The following SEPTIN10 variants were observed in gnomAD, a reference collection of about 807,000 sequenced individuals.
SEPTIN10 encodes septin 10, also known as septin-10.
Under a neutral mutation model 54.8 loss-of-function variants are expected in SEPTIN10, and 66 were observed. The ratio of observed to expected loss-of-function variants is 1.21; its 90% confidence interval spans 0.99 to 1.48. The LOEUF (loss-of-function observed/expected upper bound fraction) is 1.48. Among genes scored for constraint, SEPTIN10 ranks in the 40% most tolerant of loss-of-function variants. The pLI is 0.00. For missense variants in SEPTIN10, 620 were observed against 545.6 expected (o/e 1.14, Z -1.36); for synonymous variants, 161 against 181.0 (o/e 0.89, Z 0.89).
At chr2:109,565,524 C>A (rs1280243723) in intron 7 of SEPTIN10, among the ~76,000 whole-genome samples, 1 of 152,182 alleles carries the variant, frequency 6.6e-6, no homozygotes, top group Non-Finnish European at 1.5e-5. Flanking sequence ...GGTCAGAGTG[C>A]CCCACTGGTG....
chr2:109,596,384 G>A (rs1031611455), intron 1 of SEPTIN10, among the ~76,000 whole-genome samples: 3 of 152,068 alleles, frequency 2.0e-5, no homozygotes, highest in East Asian at 3.9e-4. Flanking sequence ...TTGGGAGGCC[G>A]AGGTGGGTGG....
chr2:109,545,965 AG>A, intron 10 of SEPTIN10, 84 bp downstream of exon 10: 2 of 1,488,546 alleles, frequency 1.3e-6, no homozygotes, highest in Non-Finnish European at 1.8e-6. Flanking sequence ...ATAAGGAAGC[AG>A]AAGTAAGAAG....
intron 4 of SEPTIN10, among the ~76,000 whole-genome samples, chr2:109,584,651 T>TA (rs1182152740): frequency 1.3e-5 from 2 of 152,126 alleles, no homozygotes; most frequent in Admixed American, 1.3e-4. Flanking sequence ...AGACACAAGG[T>TA]AAAATATAAA....
chr2:109,565,658 C>G (rs1686811160), intron 7 of SEPTIN10, 105 bp downstream of exon 7: 1 of 1,002,490 alleles, frequency 1.0e-6, no homozygotes, highest in Non-Finnish European at 1.6e-6. Context: ...ATTCCTCTGA[C>G]AACCAATCAC....
intron 1 of SEPTIN10, among the ~76,000 whole-genome samples, chr2:109,602,177 C>G (rs77357588): frequency 6.6e-6 from 1 of 152,130 alleles, no homozygotes; most frequent in Non-Finnish European, 1.5e-5. Context: ...TAACAATTTT[C>G]TAAGATCCCT....
intron 2 of SEPTIN10, among the ~76,000 whole-genome samples, chr2:109,590,065 T>TAC (rs200796778): frequency 9.4e-5 from 14 of 148,304 alleles, no homozygotes; most frequent in African/African-American, 3.4e-4. Flanking sequence ...TGTATATATA[T>TAC]ACACACACAT....
intron 1 of SEPTIN10, among the ~76,000 whole-genome samples, chr2:109,601,553 T>C (rs1347861035): frequency 1.3e-5 from 2 of 152,212 alleles, no homozygotes; most frequent in Admixed American, 1.3e-4. Context: ...AATTCATGTT[T>C]TCCCACTTGC....
At chr2:109,570,841 T>C (rs1289830376) in intron 5 of SEPTIN10, among the ~76,000 whole-genome samples, 2 of 152,146 alleles carry the variant, frequency 1.3e-5, no homozygotes, top group Non-Finnish European at 2.9e-5. Flanking sequence ...TATTATAATG[T>C]GTAATCTAGA....
At chr2:109,581,562 C>T (rs1691157477) in intron 4 of SEPTIN10, among the ~76,000 whole-genome samples, 2 of 151,690 alleles carry the variant, frequency 1.3e-5, no homozygotes, top group African/African-American at 4.8e-5. Flanking sequence ...GCAGTGGCTC[C>T]TCTGGGGGAA....
intron 4 of SEPTIN10, 116 bp from the exon 5 acceptor site, chr2:109,574,883 A>G: frequency 3.4e-6 from 2 of 591,174 alleles, no homozygotes; most frequent in South Asian, 5.5e-5. Flanking sequence ...GTTAATATCT[A>G]TGCTGAACAG....
chr2:109,560,678 C>T (rs1447010718), intron 8 of SEPTIN10, among the ~76,000 whole-genome samples: 1 of 152,204 alleles, frequency 6.6e-6, no homozygotes, highest in Non-Finnish European at 1.5e-5. Context: ...AGGTCCCAAA[C>T]TGTGACCTCC....
intron 5 of SEPTIN10, among the ~76,000 whole-genome samples, chr2:109,568,923 T>C (rs1054049517): frequency 2.6e-5 from 4 of 152,212 alleles, no homozygotes; most frequent in Admixed American, 6.5e-5. Flanking sequence ...TGAAGTCCTA[T>C]CACTGACAGA....
At chr2:109,598,660 T>C (rs967609064) in intron 1 of SEPTIN10, among the ~76,000 whole-genome samples, 7 of 151,758 alleles carry the variant, frequency 4.6e-5, no homozygotes, top group Non-Finnish European at 1.5e-5. Context: ...CTGGCCAACA[T>C]GGTGAAACCC....
At chr2:109,545,793 T>C (rs1681059512) in intron 10 of SEPTIN10, 7 of 1,425,500 alleles carry the variant, frequency 4.9e-6, no homozygotes, top group African/African-American at 1.4e-5. Context: ...CTTTTCACAC[T>C]GTGATGTATT....
intron 7 of SEPTIN10, among the ~76,000 whole-genome samples, chr2:109,565,136 TTAC>T (rs1223252160): frequency 7.2e-5 from 11 of 152,176 alleles, no homozygotes; most frequent in African/African-American, 2.7e-4. Context: ...AGTATAATTA[TTAC>T]TTTTACATTT....
chr2:109,613,434 G>A, intron 1 of SEPTIN10: 1 of 309,942 alleles, frequency 3.2e-6, no homozygotes, highest in Non-Finnish European at 6.5e-6. Context: ...TGCAAAAGAT[G>A]ACCGCTATTC....
At chr2:109,610,214 A>C (rs1698954667) in intron 1 of SEPTIN10, among the ~76,000 whole-genome samples, 1 of 151,764 alleles carries the variant, frequency 6.6e-6, no homozygotes, top group Non-Finnish European at 1.5e-5. Flanking sequence ...TCAGCCTCCC[A>C]AGTAGTTGGG....
Position 109,613,832 on chromosome 2 carries a change from G to C in SEPTIN10, c.-5C>G, listed in dbSNP as rs921225895. ...CGCCACCTCGGAGGAGGCCATGGTC[G>C]CGGGCAGGGGCACGGTGAAGCGGCT... On this transcript the variant is annotated 5_prime_UTR_variant, in exon 1 of 11. Coordinates refer to ENST00000397712, the MANE Select transcript of SEPTIN10 (RefSeq NM_144710.5). 1.2e-5 allele frequency: 15 copies of C among 1,237,132 alleles called. No homozygotes were observed. In the African/African-American group the frequency reaches 2.3e-4, roughly 19 times the overall value. The allele number at this position is 1,237,132 out of a possible 1,614,324, so 76.6% of individuals were successfully genotyped here. A position where few individuals can be genotyped will look rare whatever the true frequency, so the allele number is the denominator to read the frequency against.
rs532056400 is a variant in SEPTIN10 at position 109,547,928 on chromosome 2, C to A, written c.1162-1691G>T. Among the ~76,000 whole-genome samples the A allele has an allele frequency of 1.2e-4, 19 of 152,284 alleles. No homozygotes were observed. In the South Asian group the frequency reaches 3.9e-3, roughly 32 times the overall value. ...CTGTTACAGGTGCAAAAGAGAAACC[C>A]TTAGCACACATGTGCTGGGGTAACT... On this transcript the variant is annotated intron_variant, in intron 9 of 10. Coordinates refer to ENST00000397712, the MANE Select transcript of SEPTIN10 (RefSeq NM_144710.5).
Sources: allele counts gnomAD v4.1 joint callset (sites outside exome capture counted in the v4.1 genomes callset), GRCh38; gene constraint gnomAD v4.1.1; transcripts MANE v1.5; gene names NCBI Gene and HGNC (gene_info 2026-07-23, HGNC 2026-07-21).